The following FSTL5 variants were observed in gnomAD, a reference collection of about 807,000 sequenced individuals.
The protein encoded by FSTL5 is follistatin like 5.
FSTL5 carries 62 observed loss-of-function variants against 89.1 expected under a neutral mutation model. The ratio of observed to expected loss-of-function variants is 0.70; its 90% CI spans 0.57 to 0.86. The LOEUF is 0.86. Ranked by LOEUF, FSTL5 falls within the 40% of genes least tolerant of loss-of-function variation. The pLI is 0.00. For missense variants in FSTL5, 1,057 were observed against 1,001.6 expected, an observed-to-expected ratio of 1.06 and a Z score of -0.75; for synonymous variants, 383 against 346.2, an observed-to-expected ratio of 1.11 and a Z score of -1.18.
At chr4:161,778,832 A>C (rs1200914655) in intron 4 of FSTL5, among the ~76,000 whole-genome samples, 2 of 152,224 alleles carry the variant, frequency 1.3e-5, no homozygotes, top group Non-Finnish European at 1.5e-5. Flanking sequence ...AATAGCAAAC[A>C]TGTATTTATC....
At chr4:161,452,601 T>C (rs1043556189) in intron 15 of FSTL5, among the ~76,000 whole-genome samples, 1 of 152,220 alleles carries the variant, frequency 6.6e-6, no homozygotes, top group Non-Finnish European at 1.5e-5. Context: ...TAACAGTTTA[T>C]TTTTGGAAAC....
In FSTL5 at chr4:162,044,665, G is replaced by A. The variant is rs145071406; in HGVS notation, c.127-11007C>T. Among the ~76,000 whole-genome samples, 13 of 152,192 alleles carry A rather than the reference G, an allele frequency of 8.5e-5. No homozygotes were observed. In the East Asian group the frequency reaches 1.9e-3, roughly 23 times the overall value. ...ATTTGTTTTCATAGGAGGTTGTTTC[G>A]TCCAATTGAAAAATCTCTTGTTCAG... On this transcript the variant is annotated intron_variant, in intron 2 of 15. Coordinates refer to ENST00000306100, the MANE Select transcript of FSTL5 (RefSeq NM_020116.5).
chr4:161,784,906 ACAAACAAAC>A (rs1741838577), intron 4 of FSTL5, among the ~76,000 whole-genome samples: 3 of 146,876 alleles, frequency 2.0e-5, no homozygotes, highest in Admixed American at 2.0e-4. Context: ...AAAAACAAAA[ACAAACAAAC>A]AAAAAAAAGA....
intron 15 of FSTL5, among the ~76,000 whole-genome samples, chr4:161,421,976 C>A (rs575694068): frequency 1.3e-5 from 2 of 152,012 alleles, no homozygotes; most frequent in Admixed American, 6.6e-5. Context: ...TTGCATGAAC[C>A]AATACCTTAT....
chr4:161,886,444 T>G (rs1732810266), intron 4 of FSTL5, among the ~76,000 whole-genome samples: 1 of 152,210 alleles, frequency 6.6e-6, no homozygotes, highest in Non-Finnish European at 1.5e-5. Flanking sequence ...AGAAGCTAGA[T>G]GACCAGCACT....
chr4:161,512,504 G>C (rs1395552202), intron 10 of FSTL5, among the ~76,000 whole-genome samples: 1 of 152,016 alleles, frequency 6.6e-6, no homozygotes, highest in Non-Finnish European at 1.5e-5. Context: ...TTATGATCAA[G>C]GTGAAGTATG....
intron 8 of FSTL5, 117 bp downstream of exon 8, chr4:161,587,338 G>T: frequency 1.2e-6 from 1 of 832,948 alleles, no homozygotes; most frequent in Non-Finnish European, 1.9e-6. Flanking sequence ...TATCAGTTGA[G>T]TCTCAAAACT....
intron 6 of FSTL5, among the ~76,000 whole-genome samples, chr4:161,737,315 T>C (rs1223444487): frequency 2.6e-5 from 4 of 151,994 alleles, no homozygotes; most frequent in African/African-American, 7.2e-5. Context: ...CAGTCAACCA[T>C]TGTGGTCTCG....
chr4:161,980,843 C>T (rs1275853488), intron 3 of FSTL5, among the ~76,000 whole-genome samples: 1 of 131,498 alleles, frequency 7.6e-6, no homozygotes. Context: ...ATGGCGCGAT[C>T]TCGGCACACT....
chr4:161,448,026 G>T (rs1348545404), intron 15 of FSTL5, among the ~76,000 whole-genome samples: 1 of 152,078 alleles, frequency 6.6e-6, no homozygotes, highest in Non-Finnish European at 1.5e-5. Context: ...AGTAAAAAAG[G>T]TAAAGAAACT....
chr4:161,874,507 T>G (rs1330719904), intron 4 of FSTL5, among the ~76,000 whole-genome samples: 1 of 151,996 alleles, frequency 6.6e-6, no homozygotes, highest in Non-Finnish European at 1.5e-5. Flanking sequence ...TTAGCCATTT[T>G]ATTTCTGAAT....
At chr4:161,719,132 G>C (rs1036883234) in intron 6 of FSTL5, among the ~76,000 whole-genome samples, 1 of 152,156 alleles carries the variant, frequency 6.6e-6, no homozygotes, top group African/African-American at 2.4e-5. Flanking sequence ...ATAAATGCAT[G>C]AGATAAGAGT....
At chr4:161,918,553 T>C (rs1733900992) in intron 4 of FSTL5, among the ~76,000 whole-genome samples, 1 of 152,152 alleles carries the variant, frequency 6.6e-6, no homozygotes, top group Non-Finnish European at 1.5e-5. Context: ...ATGCATCCTA[T>C]CCTGACATTG....
intron 10 of FSTL5, among the ~76,000 whole-genome samples, chr4:161,519,278 G>C (rs1730941983): frequency 6.6e-6 from 1 of 152,138 alleles, no homozygotes; most frequent in Non-Finnish European, 1.5e-5. Flanking sequence ...TGTAATCCCA[G>C]CACTTTGGGA....
rs115781242 is a variant in FSTL5, at chr4:161,941,207, T to C, written c.161-20555A>G. On this transcript the variant is annotated intron_variant, in intron 3 of 15. Coordinates refer to ENST00000306100, the MANE Select transcript of FSTL5 (RefSeq NM_020116.5). ...AATGAAAACAGTATACTATAAACAT[T>C]AATTGAACACAAAATAAGGCAATAA... Among the ~76,000 whole-genome samples, 1,061 of 151,876 alleles carry C rather than the reference T, an allele frequency of 7.0e-3. 12 individuals carry two copies. The highest frequency in any genetic ancestry group is 0.024 in the African/African-American group (1,009 of 41,514).
At chr4:162,141,320 T>A (rs549575166) in intron 1 of FSTL5, among the ~76,000 whole-genome samples, 1,739 of 85,100 alleles carry the variant, frequency 0.02, 110 homozygotes, top group Non-Finnish European at 0.032. Flanking sequence ...TTTCACCATG[T>A]TAGCCAGGAT....
chr4:161,729,644 A>G (rs551420689), intron 6 of FSTL5, among the ~76,000 whole-genome samples: 1 of 152,322 alleles, frequency 6.6e-6, no homozygotes, highest in South Asian at 2.1e-4. Context: ...CTGAATTATG[A>G]AAATCTCTTG....
chr4:161,857,276 T>C (rs1384866365), intron 4 of FSTL5, among the ~76,000 whole-genome samples: 1 of 152,126 alleles, frequency 6.6e-6, no homozygotes, highest in East Asian at 1.9e-4. Flanking sequence ...TTTAAAGGTG[T>C]TGACTAATGT....
In FSTL5 at chr4:161,907,759, T is replaced by A. The variant is rs573074489; in HGVS notation, c.409+12645A>T. ...GAGCACTGCCTACTTATTAAAACAA[T>A]ATGCAGTATCTTTCAAAGCTGCAGG... On this transcript the variant is annotated intron_variant, in intron 4 of 15. Transcript: ENST00000306100. 7.0e-4 allele frequency among the ~76,000 whole-genome samples: 106 copies of A among 152,188 alleles called. 1 individual carries two copies. Among genetic ancestry groups the A allele is most frequent in the African/African-American group, 1.9e-3 (78 of 41,572 alleles).
Sources: gnomAD v4.1 joint callset for allele counts (sites outside exome capture counted in the v4.1 genomes callset) on GRCh38, gnomAD v4.1.1 for gene constraint, MANE v1.5 for transcripts, NCBI Gene and HGNC (gene_info 2026-07-23, HGNC 2026-07-21) for gene names.